Variants in VRK1 observed in about 807,000 individuals in gnomAD.
VRK1 encodes serine/threonine-protein kinase VRK1.
A neutral mutation model predicts 57.1 loss-of-function variants in VRK1; 33 were observed. The ratio of observed to expected loss-of-function variants is 0.58; its 90% CI spans 0.44 to 0.77. VRK1 has a LOEUF of 0.77. Among genes scored for constraint, VRK1 ranks in the 30% least tolerant of loss-of-function variants. The pLI, the probability that VRK1 is intolerant of heterozygous loss-of-function variation, is 0.00. For missense variants in VRK1, 413 were observed against 477.3 expected, an observed-to-expected ratio of 0.87 and a Z score of 1.25; for synonymous variants, 137 against 147.8, an observed-to-expected ratio of 0.93 and a Z score of 0.53.
At chr14:96,835,071 T>A (rs1437847247) in intron 2 of VRK1, among the ~76,000 whole-genome samples, 1 of 152,212 alleles carries the variant, frequency 6.6e-6, no homozygotes, top group African/African-American at 2.4e-5. Context: ...CTAATAGTAT[T>A]TTTAATAGGC....
At chr14:96,829,816 G>A (rs1362767428) in intron 1 of VRK1, among the ~76,000 whole-genome samples, 1 of 151,998 alleles carries the variant, frequency 6.6e-6, no homozygotes, top group African/African-American at 2.4e-5. Flanking sequence ...TATAACCCTT[G>A]TTGAGTCTCA....
intron 2 of VRK1, among the ~76,000 whole-genome samples, chr14:96,835,614 G>C (rs1209034164): frequency 6.6e-6 from 1 of 152,174 alleles, no homozygotes; most frequent in Non-Finnish European, 1.5e-5. Flanking sequence ...TCTAAAACTT[G>C]TATCATCATC....
At chr14:96,865,074 T>G (rs1243541229) in intron 11 of VRK1, among the ~76,000 whole-genome samples, 8 of 152,192 alleles carry the variant, frequency 5.3e-5, no homozygotes, top group Non-Finnish European at 1.5e-5. Flanking sequence ...TAGAATCTCT[T>G]CATTTTCATG....
chr14:96,819,808 G>A (rs987106803), intron 1 of VRK1, among the ~76,000 whole-genome samples: 4 of 152,138 alleles, frequency 2.6e-5, no homozygotes, highest in African/African-American at 7.2e-5. Context: ...TGAATATGGC[G>A]GATGAGACAA....
chr14:96,828,926 C>T (rs1226858865), intron 1 of VRK1, among the ~76,000 whole-genome samples: 1 of 152,186 alleles, frequency 6.6e-6, no homozygotes, highest in Non-Finnish European at 1.5e-5. Flanking sequence ...GGGAATCCTC[C>T]ACATCTTTTT....
Position 96,876,079 on chromosome 14 carries a change from C to T in VRK1, c.1118C>T (p.Thr373Met), listed in dbSNP as rs369917766. ...AGCAAGGAACCTGGTGTTGAAGATA[C>T]GGAATGGTCAAACACACAGACAGAG... Reference protein sequence around the residue: ...EESKEPGVEDTEWSNTQTEEA... With the variant: ...EESKEPGVEDMEWSNTQTEEA... Residue 373 changes from threonine to methionine, a missense_variant, in exon 12 of 13, where the codon ACG (threonine) becomes ATG (methionine). By Grantham distance (81) the Thr-to-Met change is moderately conservative (BLOSUM62 -1). This residue lies in a region of VRK1 where 146 missense variants were observed against 138.2 expected (regional missense o/e 1.06). Coordinates refer to ENST00000216639, the MANE Select transcript of VRK1 (RefSeq NM_003384.3). The T allele has an allele frequency of 6.8e-5, 109 of 1,613,490 alleles. 1 individual carries two copies. The highest frequency in any genetic ancestry group is 2.9e-4 in the South Asian group (26 of 91,072).
intron 5 of VRK1, among the ~76,000 whole-genome samples, chr14:96,848,725 A>G (rs1317915527): frequency 6.6e-6 from 1 of 152,180 alleles, no homozygotes; most frequent in Admixed American, 6.5e-5. Flanking sequence ...TTGCCCCTTA[A>G]AATGTGTGTG....
intron 1 of VRK1, among the ~76,000 whole-genome samples, chr14:96,820,187 TTGTAG>T (rs1886545683): frequency 6.6e-6 from 1 of 152,120 alleles, no homozygotes; most frequent in South Asian, 2.1e-4. Context: ...TGGTTCATTG[TTGTAG>T]TGTAGAATAA....
chr14:96,870,000 G>A (rs191937221), intron 11 of VRK1, among the ~76,000 whole-genome samples: 32 of 152,204 alleles, frequency 2.1e-4, no homozygotes, highest in Admixed American at 1.0e-3. Flanking sequence ...TTAGTTTATA[G>A]TATTATATTA....
chr14:96,810,513 T>C (rs1399511966), intron 1 of VRK1, among the ~76,000 whole-genome samples: 1 of 152,190 alleles, frequency 6.6e-6, no homozygotes, highest in Non-Finnish European at 1.5e-5. Context: ...CAAGCCTTCT[T>C]TTACTTTTTT....
chr14:96,837,826 T>C lies in VRK1; in HGVS notation c.216+9T>C, dbSNP rs767438763. 3 of 1,541,354 alleles carry C rather than the reference T, an allele frequency of 1.9e-6. No individual in the cohort carries two copies. The South Asian group carries it at 4.0e-5, about 21-fold the overall frequency. ...CTTGTGTTGTAAAAGTGGTAAGAAA[T>C]ATTTTAGCTAATTTGTTTCTTTTCT... On this transcript the variant is annotated intron_variant, in intron 3 of 12. Transcript: ENST00000216639.
At chr14:96,798,182 C>G (rs1041607615) in intron 1 of VRK1, among the ~76,000 whole-genome samples, 2 of 152,182 alleles carry the variant, frequency 1.3e-5, no homozygotes, top group Admixed American at 1.3e-4. Context: ...AAGGGACTTT[C>G]ATAACCGTTT....
Position 96,853,065 on chromosome 14 carries a change from C to CT in VRK1, c.484-6dup, listed in dbSNP as rs2139796250. 1.9e-6 allele frequency: 3 copies of CT among 1,613,502 alleles called. No homozygotes were observed. Among genetic ancestry groups the CT allele is most frequent in the Non-Finnish European group, 2.5e-6 (3 of 1,179,556 alleles). ...CTGCATTAACTTATTCTGTATGATA[C>CT]TTTCATAGCTGGATATTCTGGAATA... On this transcript the variant is annotated splice_polypyrimidine_tract_variant and intron_variant, in intron 6 of 12. Transcript: ENST00000216639.
chr14:96,836,086 C>T (rs1398595834), intron 2 of VRK1, among the ~76,000 whole-genome samples: 1 of 152,128 alleles, frequency 6.6e-6, no homozygotes, highest in Non-Finnish European at 1.5e-5. Context: ...AGCCGTCTTG[C>T]TGCCCTTTGG....
chr14:96,839,377 T>A (rs1475514714), intron 3 of VRK1, among the ~76,000 whole-genome samples: 2 of 70,302 alleles, frequency 2.8e-5, no homozygotes, highest in African/African-American at 7.9e-5. Context: ...TTTGAGTTGC[T>A]GGTTTATAGG....
chr14:96,846,728 C>G (rs1009200000), intron 4 of VRK1, among the ~76,000 whole-genome samples: 1 of 148,948 alleles, frequency 6.7e-6, no homozygotes, highest in African/African-American at 2.5e-5. Context: ...AAAAAAAAAG[C>G]TACAATAAAA....
At chr14:96,809,673 A>G (rs1178445148) in intron 1 of VRK1, among the ~76,000 whole-genome samples, 2 of 151,248 alleles carry the variant, frequency 1.3e-5, no homozygotes, top group African/African-American at 4.9e-5. Flanking sequence ...CCCAGGTTCA[A>G]GTGATTCTCC....
At chr14:96,873,866 T>C (rs1888923445) in intron 11 of VRK1, among the ~76,000 whole-genome samples, 2 of 152,316 alleles carry the variant, frequency 1.3e-5, no homozygotes, top group African/African-American at 2.4e-5. Flanking sequence ...ATTAGAAAAG[T>C]TGGGCAGGAG....
chr14:96,843,863 T>A (rs1379017491), intron 3 of VRK1, among the ~76,000 whole-genome samples: 1 of 152,218 alleles, frequency 6.6e-6, no homozygotes, highest in Non-Finnish European at 1.5e-5. Flanking sequence ...AAGTATGAAA[T>A]GAGCTCAGAG....
Sources: gnomAD v4.1 joint callset for allele counts (sites outside exome capture counted in the v4.1 genomes callset) on GRCh38, gnomAD v4.1.1 for gene constraint, gnomAD v4.1.1 regional missense constraint, MANE v1.5 for transcripts, NCBI Gene and HGNC (gene_info 2026-07-23, HGNC 2026-07-21) for gene names.